Variants in SLC17A8 observed in about 807,000 individuals in gnomAD.
SLC17A8 encodes the protein solute carrier family 17 member 8, also known as vesicular glutamate transporter 3.
SLC17A8 carries 31 observed loss-of-function variants against 58.0 expected under a neutral mutation model. The observed-to-expected ratio is 0.53, with a 90% CI of 0.40 to 0.72. The LOEUF (loss-of-function observed/expected upper bound fraction) is 0.72. Ranked by LOEUF, SLC17A8 falls within the 30% of genes least tolerant of loss-of-function variation. SLC17A8 has a pLI of 0.00. For synonymous variants in SLC17A8, 228 were observed against 249.0 expected, an observed-to-expected ratio of 0.92 and a Z score of 0.79; for missense variants, 655 against 727.8, an observed-to-expected ratio of 0.90 and a Z score of 1.15.
intron 10 of SLC17A8, among the ~76,000 whole-genome samples, chr12:100,415,530 T>G (rs1375161715): frequency 2.0e-5 from 3 of 151,642 alleles, no homozygotes; most frequent in African/African-American, 7.3e-5. Context: ...CCTCCCATGC[T>G]CAACTGATTC....
chr12:100,357,210 GTCTTA>G lies in SLC17A8; in HGVS notation c.-177_-173del. On this transcript the variant is annotated 5_prime_UTR_variant, in exon 1 of 12. Coordinates refer to ENST00000323346, the MANE Select transcript of SLC17A8 (RefSeq NM_139319.3). ...TGGGGAGCAGAGAGAGGAGGGAGTTGTCTTATCTTGGAAGATCCGAGCTGGGTTTC... is the reference window on the plus strand; with the variant it reads ...TGGGGAGCAGAGAGAGGAGGGAGTTGTCTTGGAAGATCCGAGCTGGGTTTC... 1 of 611,166 alleles carries G rather than the reference GTCTTA, an allele frequency of 1.6e-6. No homozygotes were observed. 37.9% of individuals were successfully genotyped at this position (611,166 alleles called of 1,614,324 possible).
At chr12:100,406,415 C>T (rs7965082) in intron 9 of SLC17A8, among the ~76,000 whole-genome samples, 76,353 of 151,922 alleles carry the variant, frequency 0.5, 19,453 homozygotes, top group South Asian at 0.59. Flanking sequence ...TGACGGGAGA[C>T]GGGATCGGGA....
At chr12:100,362,648 C>T (rs1298699291) in intron 1 of SLC17A8, among the ~76,000 whole-genome samples, 5 of 152,140 alleles carry the variant, frequency 3.3e-5, no homozygotes, top group African/African-American at 1.2e-4. Context: ...TATGACAGCC[C>T]ACCCACTGCA....
chr12:100,367,522 C>T (rs542356505), intron 1 of SLC17A8, among the ~76,000 whole-genome samples: 1 of 152,260 alleles, frequency 6.6e-6, no homozygotes, highest in South Asian at 2.1e-4. Flanking sequence ...GCATTCTCTC[C>T]TGGAATGGAT....
intron 1 of SLC17A8, among the ~76,000 whole-genome samples, chr12:100,359,292 T>C (rs1268407680): frequency 6.6e-6 from 1 of 152,206 alleles, no homozygotes; most frequent in South Asian, 2.1e-4. Context: ...TTGTGAAATT[T>C]GATTGCTTTT....
intron 9 of SLC17A8, among the ~76,000 whole-genome samples, chr12:100,404,800 T>A (rs541448790): frequency 6.6e-6 from 1 of 152,354 alleles, no homozygotes; most frequent in African/African-American, 2.4e-5. Flanking sequence ...GAGCAGGTAC[T>A]ATTACTATAT....
chr12:100,376,481 T>C (rs575321481), intron 1 of SLC17A8, among the ~76,000 whole-genome samples: 1 of 152,274 alleles, frequency 6.6e-6, no homozygotes, highest in African/African-American at 2.4e-5. Context: ...AGGAAAGTGG[T>C]CCAAGGAACC....
chr12:100,394,484 A>C (rs1952738976), intron 4 of SLC17A8, among the ~76,000 whole-genome samples: 2 of 144,870 alleles, frequency 1.4e-5, no homozygotes, highest in Admixed American at 1.4e-4. Flanking sequence ...CCGTTGCAAC[A>C]TCTGCCTCCC....
At chr12:100,394,017 C>T (rs534001424) in intron 4 of SLC17A8, among the ~76,000 whole-genome samples, 86 of 152,284 alleles carry the variant, frequency 5.6e-4, no homozygotes, top group African/African-American at 1.9e-3. Context: ...GGCATGGCTA[C>T]GTTCCAATTA....
chr12:100,411,267 G>A (rs942311643), intron 9 of SLC17A8, among the ~76,000 whole-genome samples: 4 of 152,060 alleles, frequency 2.6e-5, no homozygotes, highest in African/African-American at 7.2e-5. Flanking sequence ...TGGCCAGCCT[G>A]GCCAACATGG....
intron 2 of SLC17A8, among the ~76,000 whole-genome samples, chr12:100,388,735 A>T (rs1952693394): frequency 6.6e-6 from 1 of 152,262 alleles, no homozygotes; most frequent in Non-Finnish European, 1.5e-5. Flanking sequence ...ATGAAAATTT[A>T]TAAAACATAG....
At chr12:100,400,927 T>C (rs1952786370) in intron 5 of SLC17A8, among the ~76,000 whole-genome samples, 1 of 151,694 alleles carries the variant, frequency 6.6e-6, no homozygotes, top group Non-Finnish European at 1.5e-5. Context: ...CATGTAAAAA[T>C]GTACCCATTC....
At chr12:100,401,431 G>T (rs1952790540) in intron 5 of SLC17A8, among the ~76,000 whole-genome samples, 1 of 151,792 alleles carries the variant, frequency 6.6e-6, no homozygotes, top group Non-Finnish European at 1.5e-5. Flanking sequence ...TCCTTTGCTT[G>T]CTCTTTTTAG....
chr12:100,366,703 A>AGT (rs1461405337), intron 1 of SLC17A8, among the ~76,000 whole-genome samples: 4 of 152,138 alleles, frequency 2.6e-5, no homozygotes, highest in African/African-American at 9.7e-5. Flanking sequence ...TGGGCAAGAG[A>AGT]GTGTGACTTT....
At chr12:100,407,435 C>G (rs1263319811) in intron 9 of SLC17A8, among the ~76,000 whole-genome samples, 1 of 152,090 alleles carries the variant, frequency 6.6e-6, no homozygotes, top group African/African-American at 2.4e-5. Context: ...TGAGAACTTT[C>G]AAAGATGTTT....
intron 10 of SLC17A8, 53 bp downstream of exon 10, chr12:100,412,933 G>C: frequency 7.3e-7 from 1 of 1,368,240 alleles, no homozygotes; most frequent in Admixed American, 1.7e-5. Context: ...ACAAGTCCCA[G>C]GAAGAAGGAA....
chr12:100,381,802 A>G (rs748047443), intron 2 of SLC17A8, among the ~76,000 whole-genome samples: 17 of 152,228 alleles, frequency 1.1e-4, no homozygotes, highest in South Asian at 2.1e-4. Flanking sequence ...ACATAGAAAC[A>G]TATGGGCTTC....
rs889744230 is a variant in SLC17A8 at position 100,421,377 on chromosome 12, C to T, written c.*1218C>T. ...TATTTGGAATGATATTCAGGGAAATCACAATAATATAGCAGTAGTTATACA... is the reference window on the plus strand; with the variant it reads ...TATTTGGAATGATATTCAGGGAAATTACAATAATATAGCAGTAGTTATACA... On this transcript the variant is annotated 3_prime_UTR_variant, in exon 12 of 12. Transcript: ENST00000323346. 6.6e-6 allele frequency: 1 copy of T among 151,964 alleles called. No individual in the cohort carries two copies. Among genetic ancestry groups the T allele is most frequent in the Non-Finnish European group, 1.5e-5 (1 of 67,984 alleles). 9.4% of individuals were successfully genotyped at this position (151,964 alleles called of 1,614,324 possible).
intron 1 of SLC17A8, among the ~76,000 whole-genome samples, chr12:100,358,869 C>A (rs2135964901): frequency 6.6e-6 from 1 of 152,302 alleles, no homozygotes; most frequent in Non-Finnish European, 1.5e-5. Flanking sequence ...AGGCCGGGCG[C>A]AGTGGCTCAC....
Sources: allele counts gnomAD v4.1 joint callset (sites outside exome capture counted in the v4.1 genomes callset), GRCh38; gene constraint gnomAD v4.1.1; transcripts MANE v1.5; gene names NCBI Gene and HGNC (gene_info 2026-07-23, HGNC 2026-07-21).